Variants in RIT2 observed in about 807,000 individuals in gnomAD.
RIT2 encodes the protein Ras like without CAAX 2, also known as GTP-binding protein Rit2.
RIT2 carries 24 observed loss-of-function variants against 23.7 expected under a neutral mutation model. The ratio of observed to expected loss-of-function variants is 1.01; its 90% confidence interval spans 0.73 to 1.43. RIT2 has a LOEUF of 1.43. RIT2 is among the 40% of genes most tolerant of loss of function. The pLI is 0.00. For synonymous variants in RIT2, 107 were observed against 91.1 expected, an observed-to-expected ratio of 1.17 and a Z score of -0.99; for missense variants, 236 against 266.9, an observed-to-expected ratio of 0.88 and a Z score of 0.81.
At chr18:43,009,235 C>G (rs1268510880) in intron 2 of RIT2, among the ~76,000 whole-genome samples, 2 of 151,568 alleles carry the variant, frequency 1.3e-5, no homozygotes, top group Non-Finnish European at 3.0e-5. Flanking sequence ...ACGTCAGTCA[C>G]AAACTTTTTT....
At position 43,106,307 on chromosome 18, in the gene RIT2, C is replaced by T. The variant is rs999636113; in HGVS notation, c.103+9110G>A. On this transcript the variant is annotated intron_variant, in intron 1 of 4. Coordinates refer to ENST00000326695, the MANE Select transcript of RIT2 (RefSeq NM_002930.4). ...ATGAACACAAACACACACTTTATTG[C>T]TCATTTTAAAGCATATTAAGAGGAA... 8.5e-5 allele frequency among the ~76,000 whole-genome samples: 13 copies of T among 152,264 alleles called. 1 individual carries two copies. The highest frequency in any genetic ancestry group is 7.2e-4 in the Admixed American group (11 of 15,302).
chr18:43,016,159 T>G (rs1326131143), intron 2 of RIT2, among the ~76,000 whole-genome samples: 3 of 151,928 alleles, frequency 2.0e-5, no homozygotes, highest in Non-Finnish European at 4.4e-5. Flanking sequence ...AGCATGAAGA[T>G]GCATCAACTT....
chr18:42,951,119 A>G (rs1398011173), intron 3 of RIT2, among the ~76,000 whole-genome samples: 1 of 152,128 alleles, frequency 6.6e-6, no homozygotes, highest in Non-Finnish European at 1.5e-5. Context: ...ATGCACTTGC[A>G]TGTTCATCAT....
In RIT2 at chr18:43,049,795, C is replaced by A. The variant is rs980869476; in HGVS notation, c.104-15928G>T. 2.7e-4 allele frequency among the ~76,000 whole-genome samples: 41 copies of A among 151,734 alleles called. 1 individual carries two copies. The highest frequency in any genetic ancestry group is 2.6e-3 in the Admixed American group (40 of 15,196). ...AAGTTCCAAAGGCTCAGGCAACAAG[C>A]GGTATTCAGGCATTTCTGCTAATTC... is the stretch of plus-strand genomic sequence containing the variant. On this transcript the variant is annotated intron_variant, in intron 1 of 4. Transcript: ENST00000326695.
intron 1 of RIT2, among the ~76,000 whole-genome samples, chr18:43,111,753 T>C (rs1486202293): frequency 6.6e-6 from 1 of 152,148 alleles, no homozygotes; most frequent in Non-Finnish European, 1.5e-5. Context: ...TGGTGCAGTT[T>C]TGATTCAGCT....
At chr18:42,986,756 C>A (rs1290905223) in intron 2 of RIT2, among the ~76,000 whole-genome samples, 1 of 152,086 alleles carries the variant, frequency 6.6e-6, no homozygotes, top group South Asian at 2.1e-4. Context: ...CCTGACTTGG[C>A]CTCCCAAAGT....
At chr18:42,777,425 G>C (rs901815783) in intron 4 of RIT2, among the ~76,000 whole-genome samples, 1 of 152,088 alleles carries the variant, frequency 6.6e-6, no homozygotes, top group African/African-American at 2.4e-5. Flanking sequence ...TTTTCAGGTT[G>C]GGAAAAGGAA....
chr18:43,067,382 C>A (rs1177827923), intron 1 of RIT2, among the ~76,000 whole-genome samples: 2 of 152,092 alleles, frequency 1.3e-5, no homozygotes, highest in Non-Finnish European at 2.9e-5. Context: ...AAATGAGTGA[C>A]CATGTGCATG....
chr18:43,105,617 A>AT (rs1268995251), intron 1 of RIT2, among the ~76,000 whole-genome samples: 1 of 152,124 alleles, frequency 6.6e-6, no homozygotes, highest in African/African-American at 2.4e-5. Flanking sequence ...CTCTGAGGAT[A>AT]TTTTAATTAA....
intron 4 of RIT2, among the ~76,000 whole-genome samples, chr18:42,857,556 A>G (rs142198167): frequency 6.2e-4 from 94 of 152,348 alleles, no homozygotes; most frequent in African/African-American, 2.1e-3. Context: ...GAACAAGACA[A>G]GTCAAGACAT....
intron 4 of RIT2, among the ~76,000 whole-genome samples, chr18:42,814,750 G>A (rs1905947078): frequency 6.6e-6 from 1 of 152,158 alleles, no homozygotes; most frequent in Non-Finnish European, 1.5e-5. Context: ...CCTCCTGGCA[G>A]GAGGCCAACC....
At chr18:42,968,180 C>T (rs1353684043) in intron 3 of RIT2, among the ~76,000 whole-genome samples, 1 of 152,104 alleles carries the variant, frequency 6.6e-6, no homozygotes, top group African/African-American at 2.4e-5. Context: ...TTCAACTATG[C>T]ATGTTTAACC....
chr18:42,967,269 T>C (rs1324092135), intron 3 of RIT2, among the ~76,000 whole-genome samples: 1 of 152,086 alleles, frequency 6.6e-6, no homozygotes, highest in East Asian at 1.9e-4. Context: ...TATAAATCTT[T>C]TGTAAATCTT....
intron 4 of RIT2, among the ~76,000 whole-genome samples, chr18:42,827,985 C>A (rs1298006108): frequency 9.9e-6 from 1 of 100,784 alleles, no homozygotes; most frequent in Non-Finnish European, 1.8e-5. Context: ...GCCTGGGCAA[C>A]AGAGCAAGAC....
chr18:42,756,623 C>T (rs1008830357), intron 4 of RIT2, among the ~76,000 whole-genome samples: 2 of 152,076 alleles, frequency 1.3e-5, no homozygotes, highest in African/African-American at 2.4e-5. Context: ...TTGGGCAGTA[C>T]GTGCAATATA....
intron 1 of RIT2, among the ~76,000 whole-genome samples, chr18:43,098,668 C>T (rs1342486413): frequency 6.6e-6 from 1 of 151,944 alleles, no homozygotes; most frequent in African/African-American, 2.4e-5. Flanking sequence ...GTGCCAGGTA[C>T]TGTTTTCAGG....
intron 4 of RIT2, among the ~76,000 whole-genome samples, chr18:42,761,638 T>C (rs904047354): frequency 2.0e-5 from 3 of 152,192 alleles, no homozygotes; most frequent in Non-Finnish European, 4.4e-5. Flanking sequence ...TCTCATAATA[T>C]GTGAGTATCA....
chr18:42,906,564 G>A (rs1028746769), intron 4 of RIT2, among the ~76,000 whole-genome samples: 2 of 152,070 alleles, frequency 1.3e-5, no homozygotes, highest in Non-Finnish European at 2.9e-5. Context: ...ACACTCTGAT[G>A]ATGCTTTTGA....
chr18:42,819,375 A>G (rs1044062018), intron 4 of RIT2, among the ~76,000 whole-genome samples: 8 of 152,090 alleles, frequency 5.3e-5, no homozygotes, highest in Non-Finnish European at 1.2e-4. Context: ...TGTCAAACAT[A>G]GAAAATATTG....
Sources: allele counts gnomAD v4.1 joint callset (sites outside exome capture counted in the v4.1 genomes callset), GRCh38; gene constraint gnomAD v4.1.1; transcripts MANE v1.5; gene names NCBI Gene and HGNC (gene_info 2026-07-23, HGNC 2026-07-21).